IQSEC1: variants seen among roughly 807,000 people sequenced by gnomAD.
IQSEC1 encodes IQ motif and SEC7 domain-containing protein 1.
Under a neutral mutation model 91.0 loss-of-function variants are expected in IQSEC1, and 31 were observed. That is an observed-to-expected ratio of 0.34 (90% confidence interval 0.26 to 0.46). The LOEUF (loss-of-function observed/expected upper bound fraction) is 0.46, where lower values mean the gene tolerates loss of function less well. IQSEC1 is among the 20% of genes least tolerant of loss of function. The pLI is 1.00. For synonymous variants in IQSEC1, 699 were observed against 662.6 expected (o/e 1.05, Z -0.84); for missense variants, 1,388 against 1,575.6 (o/e 0.88, Z 2.02).
At chr3:13,162,106 G>T (rs73029468) in intron 2 of IQSEC1, among the ~76,000 whole-genome samples, 4 of 152,312 alleles carry the variant, frequency 2.6e-5, no homozygotes, top group Non-Finnish European at 4.4e-5. Context: ...CACCACGAGG[G>T]TGTATTCACT....
At chr3:13,199,890 C>T (rs1207042003) in intron 1 of IQSEC1, among the ~76,000 whole-genome samples, 3 of 151,136 alleles carry the variant, frequency 2.0e-5, no homozygotes, top group Non-Finnish European at 4.4e-5. Context: ...ACACACACCA[C>T]ACACACACAC....
At chr3:13,053,363 C>T (rs773070472) in intron 1 of IQSEC1, among the ~76,000 whole-genome samples, 9 of 152,186 alleles carry the variant, frequency 5.9e-5, no homozygotes, top group Non-Finnish European at 1.3e-4. Flanking sequence ...CAGTTCTGTC[C>T]GTTTTAAAAG....
chr3:13,152,616 A>C (rs1707017785), intron 2 of IQSEC1, among the ~76,000 whole-genome samples: 1 of 152,206 alleles, frequency 6.6e-6, no homozygotes, highest in Admixed American at 6.5e-5. Flanking sequence ...CACGCCTATA[A>C]TCCCAGCACT....
At chr3:13,164,282 G>A (rs909567185) in intron 1 of IQSEC1, among the ~76,000 whole-genome samples, 1 of 152,130 alleles carries the variant, frequency 6.6e-6, no homozygotes, top group Admixed American at 6.5e-5. Context: ...CCAATCCTCC[G>A]GGGTCTCTTG....
chr3:13,242,747 T>C (rs969189520), intron 1 of IQSEC1, among the ~76,000 whole-genome samples: 4 of 152,176 alleles, frequency 2.6e-5, no homozygotes, highest in African/African-American at 9.7e-5. Context: ...AACGAAGCCT[T>C]TTCCTTTGTG....
At chr3:13,208,081 T>C (rs1694376134) in intron 1 of IQSEC1, among the ~76,000 whole-genome samples, 1 of 151,356 alleles carries the variant, frequency 6.6e-6, no homozygotes, top group African/African-American at 2.4e-5. Flanking sequence ...AATTTGTAAG[T>C]AGATAGTGAC....
At chr3:13,084,934 A>G (rs636377) in intron 2 of IQSEC1, among the ~76,000 whole-genome samples, 127,115 of 148,532 alleles carry the variant, frequency 0.86, 54,570 homozygotes, top group East Asian at 0.99. Context: ...AAGGCCTGAA[A>G]ATGTCACCAA....
At chr3:13,095,434 C>T (rs151219950) in intron 2 of IQSEC1, among the ~76,000 whole-genome samples, 146 of 152,230 alleles carry the variant, frequency 9.6e-4, no homozygotes, top group Middle Eastern at 3.4e-3. Flanking sequence ...GTGCTGGCTT[C>T]GTGGAAACAG....
At chr3:13,229,323 T>C (rs912917618) in intron 1 of IQSEC1, among the ~76,000 whole-genome samples, 2 of 152,232 alleles carry the variant, frequency 1.3e-5, no homozygotes. Flanking sequence ...GCCTGGCCTA[T>C]AACAGCTACT....
At position 13,085,809 on chromosome 3, in the gene IQSEC1, C is replaced by T. The variant is rs578102218; in HGVS notation, c.303-38287G>A. Among the ~76,000 whole-genome samples the T allele has an allele frequency of 9.6e-4, 146 of 152,354 alleles. 1 individual carries two copies. Among genetic ancestry groups the T allele is most frequent in the Non-Finnish European group, 1.4e-3 (96 of 68,034 alleles). On this transcript the variant is annotated intron_variant, in intron 2 of 15. Coordinates refer to the IQSEC1 transcript ENST00000648114. ...GCTGGCCTGAGGGGCATGTGGTTAT[C>T]GGCCAATGCGAGGCTCTCGAGGCTG...
At chr3:13,027,049 C>T (rs1292746922) in intron 1 of IQSEC1, among the ~76,000 whole-genome samples, 1 of 152,122 alleles carries the variant, frequency 6.6e-6, no homozygotes, top group African/African-American at 2.4e-5. Context: ...CAATGGTGCC[C>T]AGAGCCATGC....
intron 2 of IQSEC1, among the ~76,000 whole-genome samples, chr3:13,101,248 G>A (rs1488762085): frequency 3.9e-5 from 6 of 152,108 alleles, no homozygotes; most frequent in African/African-American, 1.2e-4. Context: ...TTGGGAGGCC[G>A]AGGTGGGTGG....
rs1001447847 is a variant in IQSEC1, at chr3:12,979,151, G to A, written c.24-37286C>T. Among the ~76,000 whole-genome samples the A allele has an allele frequency of 1.3e-5, 2 of 152,128 alleles. No individual in the cohort carries two copies. Among genetic ancestry groups the A allele is most frequent in the Non-Finnish European group, 2.9e-5 (2 of 68,028 alleles). On this transcript the variant is annotated intron_variant, in intron 1 of 13. Transcript: ENST00000613206. The surrounding 1 kb of genome is among the most constrained non-coding windows in gnomAD (Gnocchi z 4.3). ...CCTGTATACATTCCAATTACTTAAC[G>A]CTCTTCATTCTATCAAGAAAACTTT... is the stretch of plus-strand genomic sequence containing the variant.
At chr3:13,063,155 G>A (rs1031562450) in intron 1 of IQSEC1, among the ~76,000 whole-genome samples, 2 of 152,114 alleles carry the variant, frequency 1.3e-5, no homozygotes, top group Non-Finnish European at 2.9e-5. Flanking sequence ...TCAGAGAGCC[G>A]ACACCACGCC....
chr3:13,222,072 A>C (rs1041076456), intron 1 of IQSEC1, among the ~76,000 whole-genome samples: 2 of 152,126 alleles, frequency 1.3e-5, no homozygotes, highest in Non-Finnish European at 2.9e-5. Flanking sequence ...TTAAGCGCAC[A>C]CTTCAGTGGC....
intron 2 of IQSEC1, among the ~76,000 whole-genome samples, chr3:13,163,363 G>T (rs1707214536): frequency 6.6e-6 from 1 of 152,154 alleles, no homozygotes; most frequent in Non-Finnish European, 1.5e-5. Context: ...TCTGCTGCCA[G>T]AGGGGACTGG....
At chr3:13,057,646 A>G (rs924117190) in intron 1 of IQSEC1, among the ~76,000 whole-genome samples, 2 of 152,216 alleles carry the variant, frequency 1.3e-5, no homozygotes, top group African/African-American at 4.8e-5. Flanking sequence ...TCACACAATG[A>G]GCAAGGATTA....
At chr3:13,145,093 G>A (rs961553521) in intron 2 of IQSEC1, among the ~76,000 whole-genome samples, 3 of 152,196 alleles carry the variant, frequency 2.0e-5, no homozygotes, top group Non-Finnish European at 4.4e-5. Flanking sequence ...GGGTGGGGGG[G>A]CTGGCATGAG....
chr3:12,941,246 G>A (rs1331461977), intron 2 of IQSEC1, among the ~76,000 whole-genome samples: 1 of 152,192 alleles, frequency 6.6e-6, no homozygotes, highest in Non-Finnish European at 1.5e-5. Flanking sequence ...CACCTATCAT[G>A]GCCCCCCAGA....
Sources: allele counts gnomAD v4.1 joint callset (sites outside exome capture counted in the v4.1 genomes callset), GRCh38; gene constraint gnomAD v4.1.1; non-coding constraint Gnocchi (gnomAD v3.1); transcripts MANE v1.5; gene names NCBI Gene and HGNC (gene_info 2026-07-23, HGNC 2026-07-21).